The following ZCWPW2 variants were observed in gnomAD, a reference collection of about 807,000 sequenced individuals.
ZCWPW2 encodes the protein zinc finger CW-type and PWWP domain containing 2.
ZCWPW2 carries 45 observed loss-of-function variants against 46.6 expected under a neutral mutation model. The ratio of observed to expected loss-of-function variants is 0.96; its 90% CI spans 0.76 to 1.24. The LOEUF is 1.24. Ranked by LOEUF, ZCWPW2 falls within the 50% of genes most tolerant of loss-of-function variation. The pLI is 0.00. For missense variants in ZCWPW2, 429 were observed against 403.9 expected (o/e 1.06, Z -0.53); for synonymous variants, 152 against 137.1 (o/e 1.11, Z -0.76).
intron 8 of ZCWPW2, among the ~76,000 whole-genome samples, chr3:28,517,871 C>T (rs1385128581): frequency 6.6e-6 from 1 of 152,106 alleles, no homozygotes; most frequent in Non-Finnish European, 1.5e-5. Context: ...CATGGTGGCT[C>T]ACGCCTGTAA....
At chr3:28,436,746 A>G (rs1237294228) in intron 4 of ZCWPW2, among the ~76,000 whole-genome samples, 1 of 152,182 alleles carries the variant, frequency 6.6e-6, no homozygotes, top group African/African-American at 2.4e-5. Context: ...TGATCCAGTC[A>G]TCGTTATACG....
chr3:28,383,935 A>G (rs1267661139), intron 1 of ZCWPW2, among the ~76,000 whole-genome samples: 1 of 152,188 alleles, frequency 6.6e-6, no homozygotes, highest in African/African-American at 2.4e-5. Flanking sequence ...ATAATTATTC[A>G]TCTAAACTTA....
chr3:28,514,345 T>G (rs372303253), intron 7 of ZCWPW2, among the ~76,000 whole-genome samples: 1 of 151,814 alleles, frequency 6.6e-6, no homozygotes, highest in Non-Finnish European at 1.5e-5. Context: ...CATAACTTCA[T>G]AAACACATAA....
At chr3:28,450,733 T>C (rs942076897) in intron 4 of ZCWPW2, among the ~76,000 whole-genome samples, 2 of 152,214 alleles carry the variant, frequency 1.3e-5, no homozygotes, top group African/African-American at 2.4e-5. Context: ...TATATACATA[T>C]AGAACTATTT....
chr3:28,358,118 G>A (rs1388563441), intron 1 of ZCWPW2, among the ~76,000 whole-genome samples: 1 of 151,626 alleles, frequency 6.6e-6, no homozygotes, highest in African/African-American at 2.4e-5. Context: ...AGTTTTATGG[G>A]TTTTACTCCT....
chr3:28,375,977 T>A lies in ZCWPW2; in HGVS notation c.-133-14521T>A, dbSNP rs113416712. Among the ~76,000 whole-genome samples, 16 of 530 alleles carry A rather than the reference T, an allele frequency of 0.03. No homozygotes were observed. In the East Asian group the frequency reaches 0.32, roughly 11 times the overall value. The allele number at this position is 530 out of a possible 152,430, so 0.3% of individuals were successfully genotyped here. ...TTGTTGCAAATGATGGATCTCATTC[T>A]TTTTTTTATGGCTGAATAGTACTCC... On this transcript the variant is annotated intron_variant, in intron 1 of 9. Coordinates refer to ENST00000383768, the MANE Select transcript of ZCWPW2 (RefSeq NM_001040432.4).
intron 2 of ZCWPW2, among the ~76,000 whole-genome samples, chr3:28,403,562 A>G (rs979933445): frequency 1.3e-5 from 2 of 152,174 alleles, no homozygotes; most frequent in Non-Finnish European, 2.9e-5. Flanking sequence ...TTTATGTGGA[A>G]CCAAAAAAGA....
intron 6 of ZCWPW2, among the ~76,000 whole-genome samples, chr3:28,509,391 G>C (rs1451456253): frequency 1.3e-5 from 2 of 152,060 alleles, no homozygotes; most frequent in Non-Finnish European, 2.9e-5. Flanking sequence ...TTGAGGTTTT[G>C]AGGAACTACT....
intron 1 of ZCWPW2, among the ~76,000 whole-genome samples, chr3:28,370,549 T>C (rs1006354054): frequency 1.3e-5 from 2 of 152,136 alleles, no homozygotes; most frequent in Non-Finnish European, 1.5e-5. Context: ...TGATAATGGC[T>C]ACTATTGGGG....
intron 6 of ZCWPW2, among the ~76,000 whole-genome samples, chr3:28,500,766 C>T (rs2125824197): frequency 6.6e-6 from 1 of 152,232 alleles, no homozygotes; most frequent in South Asian, 2.1e-4. Context: ...TACTGCAACT[C>T]ACTTAATTTA....
intron 8 of ZCWPW2, 99 bp from the exon 9 acceptor site, chr3:28,520,893 G>A (rs1700704150): frequency 2.9e-6 from 4 of 1,387,224 alleles, no homozygotes; most frequent in Non-Finnish European, 4.0e-6. Flanking sequence ...TTACCTTGTA[G>A]CATTTAAAAG....
chr3:28,367,084 T>TAA (rs1257196730), intron 1 of ZCWPW2, among the ~76,000 whole-genome samples: 1 of 152,210 alleles, frequency 6.6e-6, no homozygotes, highest in Non-Finnish European at 1.5e-5. Flanking sequence ...GTTGATCTTT[T>TAA]TAAAAGACCA....
At chr3:28,448,784 C>CAAAAAAAAAAAAA (rs576935771) in intron 4 of ZCWPW2, among the ~76,000 whole-genome samples, 4 of 65,356 alleles carry the variant, frequency 6.1e-5, no homozygotes, top group Non-Finnish European at 1.2e-4. Flanking sequence ...GACTCTGTCT[C>CAAAAAAAAAAAAA]AAAAAAAAAA....
At chr3:28,472,735 A>G (rs183034651) in intron 4 of ZCWPW2, among the ~76,000 whole-genome samples, 102 of 152,306 alleles carry the variant, frequency 6.7e-4, no homozygotes, top group African/African-American at 2.2e-3. Flanking sequence ...GATAACATCA[A>G]GTTAAAAAAC....
chr3:28,354,099 A>G (rs1307384527), intron 1 of ZCWPW2, among the ~76,000 whole-genome samples: 1 of 152,176 alleles, frequency 6.6e-6, no homozygotes, highest in East Asian at 1.9e-4. Flanking sequence ...AAAACGTATT[A>G]GAGAAGCCAG....
chr3:28,381,620 T>C (rs1485583667), intron 1 of ZCWPW2, among the ~76,000 whole-genome samples: 1 of 151,996 alleles, frequency 6.6e-6, no homozygotes, highest in Non-Finnish European at 1.5e-5. Flanking sequence ...ACTATGTCTT[T>C]ACTAAAAATA....
intron 4 of ZCWPW2, among the ~76,000 whole-genome samples, chr3:28,451,127 G>A (rs936340178): frequency 7.2e-5 from 11 of 152,140 alleles, no homozygotes; most frequent in African/African-American, 2.7e-4. Flanking sequence ...GATCCTGAGG[G>A]ACTGCATTCA....
chr3:28,406,826 CTTTTTTTTT>C (rs11337849), intron 2 of ZCWPW2, among the ~76,000 whole-genome samples: 3 of 119,984 alleles, frequency 2.5e-5, no homozygotes, highest in Non-Finnish European at 3.5e-5. Context: ...TCTTTTTTTT[CTTTTTTTTT>C]TTTTTTTTGA....
intron 1 of ZCWPW2, among the ~76,000 whole-genome samples, chr3:28,365,328 A>AAG (rs1559474601): frequency 1.4e-5 from 2 of 140,798 alleles, no homozygotes; most frequent in Admixed American, 7.6e-5. Flanking sequence ...TTTTGTATAC[A>AAG]GTGTAAGGAA....
Sources: gnomAD v4.1 joint callset for allele counts (sites outside exome capture counted in the v4.1 genomes callset) on GRCh38, gnomAD v4.1.1 for gene constraint, MANE v1.5 for transcripts, NCBI Gene and HGNC (gene_info 2026-07-23, HGNC 2026-07-21) for gene names.